The following RPA1 variants were observed in gnomAD, a reference collection of about 807,000 sequenced individuals.
RPA1 encodes the protein replication protein A 70 kDa DNA-binding subunit.
Under a neutral mutation model 83.0 loss-of-function variants are expected in RPA1, and 49 were observed. The ratio of observed to expected loss-of-function variants is 0.59; its 90% CI spans 0.47 to 0.75. The LOEUF is 0.75. RPA1 is among the 30% of genes least tolerant of loss of function. The pLI, the probability that RPA1 is intolerant of heterozygous loss-of-function variation, is 0.00. For missense variants in RPA1, 693 were observed against 776.1 expected (o/e 0.89, Z 1.27); for synonymous variants, 279 against 281.8 (o/e 0.99, Z 0.10).
intron 5 of RPA1, among the ~76,000 whole-genome samples, chr17:1,871,086 C>T (rs1913361831): frequency 6.6e-6 from 1 of 152,186 alleles, no homozygotes; most frequent in Admixed American, 6.6e-5. Context: ...TCACAAGATG[C>T]ATTGTCAGAG....
At chr17:1,844,082 G>A in intron 3 of RPA1, 84 bp downstream of exon 3, 1 of 1,250,838 alleles carries the variant, frequency 8.0e-7, no homozygotes, top group Non-Finnish European at 1.2e-6. Context: ...ATAATTTGGG[G>A]GCATTCGTGA....
chr17:1,872,950 A>G (rs1334698466), intron 6 of RPA1, among the ~76,000 whole-genome samples: 4 of 152,158 alleles, frequency 2.6e-5, no homozygotes, highest in Non-Finnish European at 5.9e-5. Context: ...TGCTGGGATT[A>G]TAAGTGTGAG....
chr17:1,831,856 C>A (rs1048665261), intron 1 of RPA1, among the ~76,000 whole-genome samples: 4 of 150,504 alleles, frequency 2.7e-5, no homozygotes, highest in Non-Finnish European at 5.9e-5. Context: ...GCCTCGGCCT[C>A]CCAAAGTGTT....
chr17:1,889,306 A>T (rs1469578292), intron 14 of RPA1, among the ~76,000 whole-genome samples: 2 of 149,954 alleles, frequency 1.3e-5, no homozygotes, highest in Non-Finnish European at 3.0e-5. Flanking sequence ...AAACCTTTTT[A>T]AAAAAGTTGT....
chr17:1,883,971 CAAAGGGCTGT>C, intron 13 of RPA1, 27 bp downstream of exon 13: 1 of 1,612,766 alleles, frequency 6.2e-7, no homozygotes, highest in Non-Finnish European at 8.5e-7. Context: ...ACCACCTTCA[CAAAGGGCTGT>C]AAAGTGTGCA....
chr17:1,877,748 G>A (rs1913625516), intron 8 of RPA1, among the ~76,000 whole-genome samples: 1 of 152,194 alleles, frequency 6.6e-6, no homozygotes, highest in Non-Finnish European at 1.5e-5. Context: ...GGAGCTTTGG[G>A]ACACAGCAGA....
At chr17:1,858,166 G>A (rs1912790024) in intron 5 of RPA1, 2 of 1,613,836 alleles carry the variant, frequency 1.2e-6, no homozygotes, top group Admixed American at 1.7e-5. Flanking sequence ...CCCATTCCAG[G>A]TATGATACAT....
chr17:1,836,904 C>T (rs1911848028), intron 1 of RPA1, among the ~76,000 whole-genome samples: 1 of 150,374 alleles, frequency 6.7e-6, no homozygotes, highest in African/African-American at 2.4e-5. Flanking sequence ...GTGGCGCAAT[C>T]TCAGCTCACT....
chr17:1,872,493 A>G lies in RPA1; in HGVS notation c.421A>G (p.Arg141Gly). 1 of 1,614,012 alleles carries G rather than the reference A, an allele frequency of 6.2e-7. No homozygotes were observed. The highest frequency in any genetic ancestry group is 8.5e-7 in the Non-Finnish European group (1 of 1,180,014). Residue 141 changes from arginine to glycine, a missense_variant, in exon 6 of 17, where the codon AGG (arginine) becomes GGG (glycine). Coordinates refer to ENST00000254719, the MANE Select transcript of RPA1 (RefSeq NM_002945.5). ...APAASPAASS[R>G]PQPQNGSSGM... ...AGCAGCCAGCCCAGCAGCAAGCAGC[A>G]GGCCCCAGCCGCAGAATGGAAGCTC...
intron 12 of RPA1, among the ~76,000 whole-genome samples, chr17:1,882,156 T>C (rs980133181): frequency 5.9e-5 from 9 of 152,142 alleles, no homozygotes; most frequent in Admixed American, 1.3e-4. Flanking sequence ...GGCCAGCTCC[T>C]CTCCGCCACC....
At chr17:1,892,001 G>T in intron 15 of RPA1, 61 bp downstream of exon 15, 2 of 1,175,720 alleles carry the variant, frequency 1.7e-6, no homozygotes, top group Non-Finnish European at 2.4e-6. Context: ...CTATAACACT[G>T]ACCCCACACA....
At chr17:1,890,794 T>C (rs1914175378) in intron 14 of RPA1, among the ~76,000 whole-genome samples, 1 of 152,246 alleles carries the variant, frequency 6.6e-6, no homozygotes, top group African/African-American at 2.4e-5. Flanking sequence ...AAAATTTGTT[T>C]TAGTTTGTGG....
At chr17:1,892,534 G>C (rs1328313160) in intron 15 of RPA1, among the ~76,000 whole-genome samples, 1 of 152,214 alleles carries the variant, frequency 6.6e-6, no homozygotes, top group Non-Finnish European at 1.5e-5. Flanking sequence ...TAGCACATCA[G>C]AGCTAGTGTG....
chr17:1,895,150 T>A (rs1470130593), intron 16 of RPA1, 55 bp downstream of exon 16: 27 of 1,406,144 alleles, frequency 1.9e-5, no homozygotes, highest in Non-Finnish European at 2.7e-5. Context: ...GTTTGTCACC[T>A]ACGGCAGTGT....
At chr17:1,879,924 A>G (rs1597451859) in intron 11 of RPA1, among the ~76,000 whole-genome samples, 1 of 150,044 alleles carries the variant, frequency 6.7e-6, no homozygotes, top group Non-Finnish European at 1.5e-5. Flanking sequence ...CAGCACACAC[A>G]GGAGGAGCTC....
chr17:1,869,777 C>T (rs1340887266), intron 5 of RPA1, among the ~76,000 whole-genome samples: 2 of 152,106 alleles, frequency 1.3e-5, no homozygotes, highest in Non-Finnish European at 1.5e-5. Context: ...TCTGGGGTCT[C>T]GTGGCCCCTT....
At chr17:1,849,407 C>A (rs1912394079) in intron 4 of RPA1, among the ~76,000 whole-genome samples, 1 of 150,728 alleles carries the variant, frequency 6.6e-6, no homozygotes, top group Admixed American at 6.6e-5. Flanking sequence ...ATTCTCCTGC[C>A]TCAGCCTCCC....
intron 1 of RPA1, among the ~76,000 whole-genome samples, chr17:1,838,258 T>A (rs1911898682): frequency 6.6e-6 from 1 of 151,638 alleles, no homozygotes; most frequent in Non-Finnish European, 1.5e-5. Flanking sequence ...ACCACTGCAC[T>A]CCAGCCTGGG....
At chr17:1,890,239 C>T (rs1183492232) in intron 14 of RPA1, among the ~76,000 whole-genome samples, 8 of 151,988 alleles carry the variant, frequency 5.3e-5, no homozygotes, top group Non-Finnish European at 7.4e-5. Context: ...TGGTGGTATG[C>T]ACTTGTCCCA....
Sources: allele counts gnomAD v4.1 joint callset (sites outside exome capture counted in the v4.1 genomes callset), GRCh38; gene constraint gnomAD v4.1.1; transcripts MANE v1.5; gene names NCBI Gene and HGNC (gene_info 2026-07-23, HGNC 2026-07-21).